The following EBAG9 variants were observed in gnomAD, a reference collection of about 807,000 sequenced individuals.
The protein encoded by EBAG9 is estrogen receptor binding site associated antigen 9.
In EBAG9, 16 loss-of-function variants were observed where a neutral mutation model predicts 30.9. The ratio of observed to expected loss-of-function variants is 0.52; its 90% CI spans 0.35 to 0.79. The LOEUF is 0.79. EBAG9 is among the 30% of genes least tolerant of loss of function. The pLI is 0.01. For missense variants in EBAG9, 197 were observed against 242.1 expected (o/e 0.81, Z 1.24); for synonymous variants, 93 against 82.8 (o/e 1.12, Z -0.67).
intron 6 of EBAG9, among the ~76,000 whole-genome samples, chr8:109,561,338 C>G (rs1821707116): frequency 6.6e-6 from 1 of 151,782 alleles, no homozygotes; most frequent in Admixed American, 6.6e-5. Context: ...CCCAGTACTG[C>G]TCATTTGAGT....
intron 1 of EBAG9, among the ~76,000 whole-genome samples, chr8:109,549,401 A>G (rs1821449703): frequency 6.6e-6 from 1 of 152,010 alleles, no homozygotes; most frequent in East Asian, 1.9e-4. Flanking sequence ...ACTGGCCTCA[A>G]ATAATGAGTT....
At chr8:109,562,850 T>C (rs937067613) in intron 6 of EBAG9, among the ~76,000 whole-genome samples, 12 of 152,030 alleles carry the variant, frequency 7.9e-5, no homozygotes, top group African/African-American at 2.9e-4. Context: ...GAATTTCCTT[T>C]GAGCATCAGG....
In EBAG9 at chr8:109,560,906, C is replaced by T; in HGVS notation, c.498C>T (p.Ala166=). ...TNAWEEEEDA[A]WQAEEVLRQQ... Reference sequence around the variant, plus strand: ...CATGGGAAGAAGAAGAAGATGCAGCCTGGCAAGCAGAAGAAGTTCTGAGGT... The same window carrying T: ...CATGGGAAGAAGAAGAAGATGCAGCTTGGCAAGCAGAAGAAGTTCTGAGGT... Residue 166 remains alanine (A), a synonymous_variant, in exon 6 of 7, where the codon GCC becomes GCT. Transcript: ENST00000337573. The T allele has an allele frequency of 1.2e-6, 2 of 1,612,598 alleles. No individual in the cohort carries two copies. Among genetic ancestry groups the T allele is most frequent in the Non-Finnish European group, 1.7e-6 (2 of 1,179,180 alleles).
intron 3 of EBAG9, among the ~76,000 whole-genome samples, chr8:109,554,295 A>G (rs938659845): frequency 6.6e-6 from 1 of 152,170 alleles, no homozygotes; most frequent in Non-Finnish European, 1.5e-5. Context: ...TTATATGCTG[A>G]ATAATTCTGG....
chr8:109,551,695 A>G (rs2703386), intron 2 of EBAG9, among the ~76,000 whole-genome samples: 76,343 of 151,854 alleles, frequency 0.5, 21,316 homozygotes, highest in African/African-American at 0.75. Context: ...GTGACATCTC[A>G]TTGCAAAGCC....
chr8:109,563,352 C>G (rs1353219726), intron 6 of EBAG9: 44 of 1,585,424 alleles, frequency 2.8e-5, no homozygotes, highest in Non-Finnish European at 3.8e-5. Flanking sequence ...CTTCCTTCCT[C>G]AACGTTGCAT....
In EBAG9 at chr8:109,542,922, G is replaced by A. The variant is rs537419299; in HGVS notation, c.-16+2461G>A. Among the ~76,000 whole-genome samples, 6 of 152,192 alleles carry A rather than the reference G, an allele frequency of 3.9e-5. No homozygotes were observed. In the South Asian group the frequency reaches 8.3e-4, roughly 21 times the overall value. On this transcript the variant is annotated intron_variant, in intron 1 of 6. Transcript: ENST00000337573. ...CTTTACAGTACTCCAGCAAGAGGTA[G>A]TAAAGGCTTATGCTAGATAGATTAC...
chr8:109,549,987 C>T (rs946278489), intron 1 of EBAG9, among the ~76,000 whole-genome samples: 5 of 151,890 alleles, frequency 3.3e-5, no homozygotes, highest in East Asian at 1.9e-4. Context: ...TGGAGTGGGG[C>T]GGTCTTTCTT....
At chr8:109,555,787 C>T (rs1358449450) in intron 4 of EBAG9, among the ~76,000 whole-genome samples, 2 of 152,114 alleles carry the variant, frequency 1.3e-5, no homozygotes, top group African/African-American at 4.8e-5. Flanking sequence ...AAACAGAATG[C>T]TTGAGTATTT....
intron 1 of EBAG9, among the ~76,000 whole-genome samples, chr8:109,544,681 C>T (rs1334606848): frequency 6.6e-6 from 1 of 152,178 alleles, no homozygotes; most frequent in Non-Finnish European, 1.5e-5. Context: ...AGTGTGTGCA[C>T]ATATGCACAC....
chr8:109,556,787 A>G (rs972039950), intron 4 of EBAG9, 148 bp from the exon 5 acceptor site: 7 of 413,310 alleles, frequency 1.7e-5, no homozygotes, highest in Non-Finnish European at 2.5e-5. Flanking sequence ...TTCCCTGGGA[A>G]ATTGGTATTT....
chr8:109,563,620 A>T (rs531778095), intron 6 of EBAG9: 1 of 1,382,340 alleles, frequency 7.2e-7, no homozygotes, highest in East Asian at 2.4e-5. Context: ...GGACATGTGC[A>T]GGATGTGCAG....
rs1821777743 is a variant in EBAG9, at chr8:109,564,513, G to A, written c.596G>A (p.Arg199Gln). 2.5e-6 allele frequency: 4 copies of A among 1,612,582 alleles called. No individual in the cohort carries two copies. Among genetic ancestry groups the A allele is most frequent in the Non-Finnish European group, 3.4e-6 (4 of 1,178,978 alleles). ...QRKKMEKEAQ[R>Q]LMKKEQNKIG... Reference sequence around the variant, plus strand: ...AAGAAAATGGAAAAGGAAGCACAACGGCTAATGAAGAAGGAACAAAACAAA... The same window carrying A: ...AAGAAAATGGAAAAGGAAGCACAACAGCTAATGAAGAAGGAACAAAACAAA... The change falls in exon 7 of 7, where the codon CGG becomes CAG. Residue 199 changes from arginine to glutamine, a missense_variant. By Grantham distance (43) the Arg-to-Gln change is conservative. Transcript: ENST00000337573.
intron 6 of EBAG9, among the ~76,000 whole-genome samples, chr8:109,562,301 C>T (rs1002529847): frequency 6.6e-6 from 1 of 151,996 alleles, no homozygotes; most frequent in African/African-American, 2.4e-5. Context: ...TCATTCTAGC[C>T]TCTTAACCCC....
Position 109,541,325 on chromosome 8 carries a change from A to G in EBAG9, c.-16+864A>G, listed in dbSNP as rs560399889. Among the ~76,000 whole-genome samples the G allele has an allele frequency of 7.9e-5, 12 of 152,336 alleles. No individual in the cohort carries two copies. In the South Asian group the frequency reaches 2.3e-3, roughly 29 times the overall value. On this transcript the variant is annotated intron_variant, in intron 1 of 6. Transcript: ENST00000337573. Reference sequence around the variant, plus strand: ...ATCTAGAGGGCATTTCAAAAATCGCACTGAGGCAATGTGCACACAATTAAA... The same window carrying G: ...ATCTAGAGGGCATTTCAAAAATCGCGCTGAGGCAATGTGCACACAATTAAA...
chr8:109,547,191 G>C (rs1482926740), intron 1 of EBAG9, among the ~76,000 whole-genome samples: 1 of 151,964 alleles, frequency 6.6e-6, no homozygotes, highest in Non-Finnish European at 1.5e-5. Context: ...TCTTTATCTT[G>C]GGTAGATTAC....
At chr8:109,559,942 GTATATTAAA>G (rs1454749178) in intron 5 of EBAG9, among the ~76,000 whole-genome samples, 1 of 152,062 alleles carries the variant, frequency 6.6e-6, no homozygotes, top group East Asian at 1.9e-4. Context: ...TTTCAGAAAT[GTATATTAAA>G]TAATTAGAAA....
chr8:109,539,853 T>A (rs1381554215), upstream of EBAG9: 1 of 152,138 alleles, frequency 6.6e-6, no homozygotes, highest in African/African-American at 2.4e-5. Flanking sequence ...TGAGCGCGCC[T>A]TGTGTGCGCG....
rs368079048 is a variant in EBAG9 at position 109,546,444 on chromosome 8, T to A, written c.-15-4366T>A. Among the ~76,000 whole-genome samples, 18 of 152,344 alleles carry A rather than the reference T, an allele frequency of 1.2e-4. No homozygotes were observed. In the East Asian group the frequency reaches 2.3e-3, roughly 20 times the overall value. ...GTTTCGTCATGTCTGTCAGTGATCCTTCCTTCCCACTTCTCCCTGCCTCAT... is the reference window on the plus strand; with the variant it reads ...GTTTCGTCATGTCTGTCAGTGATCCATCCTTCCCACTTCTCCCTGCCTCAT... On this transcript the variant is annotated intron_variant, in intron 1 of 6. Coordinates refer to ENST00000337573, the MANE Select transcript of EBAG9 (RefSeq NM_004215.5).
Sources: gnomAD v4.1 joint callset for allele counts (sites outside exome capture counted in the v4.1 genomes callset) on GRCh38, gnomAD v4.1.1 for gene constraint, MANE v1.5 for transcripts, NCBI Gene and HGNC (gene_info 2026-07-23, HGNC 2026-07-21) for gene names.